The following SLC35F4 variants were observed in gnomAD, a reference collection of about 807,000 sequenced individuals.
The protein encoded by SLC35F4 is chromosome 14 open reading frame 36.
In SLC35F4, 24 loss-of-function variants were observed where a neutral mutation model predicts 44.2. That is an observed-to-expected ratio of 0.54 (90% CI 0.39 to 0.76). The LOEUF (loss-of-function observed/expected upper bound fraction) is 0.76. Ranked by LOEUF, SLC35F4 falls within the 30% of genes least tolerant of loss-of-function variation. The pLI is 0.00. For missense variants in SLC35F4, 562 were observed against 586.1 expected (o/e 0.96, Z 0.42); for synonymous variants, 238 against 223.6 (o/e 1.06, Z -0.57).
At chr14:57,657,712 A>G (rs2074010555) in intron 1 of SLC35F4, among the ~76,000 whole-genome samples, 1 of 152,128 alleles carries the variant, frequency 6.6e-6, no homozygotes, top group Admixed American at 6.5e-5. Flanking sequence ...TCAGGCCCTG[A>G]CTATGGTTTA....
chr14:57,568,355 A>T (rs1264526107), intron 6 of SLC35F4, among the ~76,000 whole-genome samples: 2 of 152,236 alleles, frequency 1.3e-5, no homozygotes, highest in Admixed American at 1.3e-4. Context: ...GCAAGGTGGA[A>T]ATCACATGTG....
Position 57,926,977 on chromosome 14 carries a change from T to C in SLC35F4, n.282+54936A>G, listed in dbSNP as rs962776523. 4.0e-5 allele frequency among the ~76,000 whole-genome samples: 6 copies of C among 149,804 alleles called. No individual in the cohort carries two copies. The South Asian group carries it at 6.3e-4, about 16-fold the overall frequency. The stretch of plus-strand genomic sequence containing the variant: ...TGAAATAAGCCACAGACTTAGAAAA[T>C]AAAAAGAAGCACAGCCAAGTGACCA... On this transcript the variant is annotated intron_variant and non_coding_transcript_variant, in intron 1 of 1. Transcript: ENST00000556568.
rs1235855571 is a variant in SLC35F4 at position 57,676,292 on chromosome 14, G to T, written c.104-82168C>A. On this transcript the variant is annotated intron_variant, in intron 1 of 7. Coordinates refer to ENST00000556826, the MANE Select transcript of SLC35F4 (RefSeq NM_001306087.2). ...CATGTCCTTTGCAGCAACATGGATA[G>T]ATCTGGAAGCCATTAACCTCAGCAA... Among the ~76,000 whole-genome samples the T allele has an allele frequency of 2.6e-5, 4 of 152,210 alleles. No homozygotes were observed. In the South Asian group the frequency reaches 6.2e-4, roughly 24 times the overall value.
chr14:57,959,910 A>G (rs2141087077), intron 1 of SLC35F4, among the ~76,000 whole-genome samples: 1 of 152,204 alleles, frequency 6.6e-6, no homozygotes, highest in South Asian at 2.1e-4. Context: ...CAGCATTGAA[A>G]AATGAACTGG....
At chr14:57,795,383 A>G (rs980706829) in intron 1 of SLC35F4, among the ~76,000 whole-genome samples, 2 of 152,210 alleles carry the variant, frequency 1.3e-5, no homozygotes, top group South Asian at 4.1e-4. Flanking sequence ...GGAACCATTC[A>G]CTAAGAACCT....
chr14:57,644,639 T>G (rs1318173910), intron 1 of SLC35F4, among the ~76,000 whole-genome samples: 4 of 152,216 alleles, frequency 2.6e-5, no homozygotes, highest in Non-Finnish European at 4.4e-5. Context: ...TTTGTCAATT[T>G]TGGCTTTTGT....
intron 1 of SLC35F4, among the ~76,000 whole-genome samples, chr14:57,699,488 G>C (rs964310476): frequency 1.3e-5 from 2 of 152,156 alleles, no homozygotes; most frequent in Admixed American, 1.3e-4. Context: ...TTGTCACCAG[G>C]AAGTGTGGCT....
At chr14:57,611,017 G>T (rs1021743772) in intron 1 of SLC35F4, among the ~76,000 whole-genome samples, 1 of 152,344 alleles carries the variant, frequency 6.6e-6, no homozygotes, top group South Asian at 2.1e-4. Flanking sequence ...GTGGTGTCTA[G>T]TTACATAAGG....
chr14:57,952,795 A>G (rs113104639), intron 1 of SLC35F4, among the ~76,000 whole-genome samples: 164 of 152,288 alleles, frequency 1.1e-3, no homozygotes, highest in African/African-American at 3.8e-3. Flanking sequence ...ATGTGAAAAG[A>G]CCAAATCAAC....
At chr14:57,823,045 A>G (rs1288257903) in intron 1 of SLC35F4, among the ~76,000 whole-genome samples, 2 of 152,136 alleles carry the variant, frequency 1.3e-5, no homozygotes, top group Non-Finnish European at 2.9e-5. Context: ...CAGTGGCCAG[A>G]GAGATCTTAA....
chr14:57,624,775 C>A (rs1217392494), intron 1 of SLC35F4, among the ~76,000 whole-genome samples: 1 of 152,168 alleles, frequency 6.6e-6, no homozygotes, highest in Non-Finnish European at 1.5e-5. Context: ...TAAAAACTCT[C>A]AATAAACTAG....
chr14:57,605,920 T>C (rs1165711980), intron 1 of SLC35F4, among the ~76,000 whole-genome samples: 1 of 152,042 alleles, frequency 6.6e-6, no homozygotes, highest in African/African-American at 2.4e-5. Flanking sequence ...TGTGTAGACA[T>C]GGTCATAAAA....
At chr14:57,640,513 A>G (rs1446226554) in intron 1 of SLC35F4, among the ~76,000 whole-genome samples, 1 of 152,028 alleles carries the variant, frequency 6.6e-6, no homozygotes, top group Non-Finnish European at 1.5e-5. Context: ...AGTCTCCTAC[A>G]CTGAACAAAT....
At chr14:57,666,294 C>A (rs1594749456) in intron 1 of SLC35F4, among the ~76,000 whole-genome samples, 1 of 152,138 alleles carries the variant, frequency 6.6e-6, no homozygotes, top group East Asian at 1.9e-4. Flanking sequence ...TAATCAAATA[C>A]TATCCAGTTT....
intron 1 of SLC35F4, among the ~76,000 whole-genome samples, chr14:57,898,466 G>A (rs1303523307): frequency 6.6e-6 from 1 of 152,152 alleles, no homozygotes; most frequent in Non-Finnish European, 1.5e-5. Flanking sequence ...TAACCAGGAG[G>A]GTATGTGGGT....
intron 1 of SLC35F4, among the ~76,000 whole-genome samples, chr14:57,776,218 A>G (rs1455807948): frequency 6.6e-5 from 10 of 152,182 alleles, no homozygotes; most frequent in Non-Finnish European, 1.2e-4. Context: ...AACTTGGAAA[A>G]TTTATTTCAA....
chr14:57,749,546 T>G (rs1370593863), intron 1 of SLC35F4, among the ~76,000 whole-genome samples: 1 of 152,082 alleles, frequency 6.6e-6, no homozygotes, highest in African/African-American at 2.4e-5. Context: ...GGTCTTTCCC[T>G]ACAGATAGCT....
intron 1 of SLC35F4, among the ~76,000 whole-genome samples, chr14:57,962,974 A>T (rs1218726342): frequency 6.6e-6 from 1 of 152,212 alleles, no homozygotes. Context: ...TAGGGGGGAA[A>T]AAAGAAAAAA....
intron 1 of SLC35F4, among the ~76,000 whole-genome samples, chr14:57,719,943 G>C (rs192171833): frequency 1.3e-5 from 2 of 152,244 alleles, no homozygotes; most frequent in East Asian, 3.9e-4. Context: ...ATAGCTGTGA[G>C]CCTGTCATAT....
Sources: allele counts gnomAD v4.1 joint callset (sites outside exome capture counted in the v4.1 genomes callset), GRCh38; gene constraint gnomAD v4.1.1; transcripts MANE v1.5; gene names NCBI Gene and HGNC (gene_info 2026-07-23, HGNC 2026-07-21).